The following EOLA2 variants were observed in gnomAD, a reference collection of about 807,000 sequenced individuals.
EOLA2 encodes protein EOLA2.
Under a neutral mutation model 4.1 loss-of-function variants are expected in EOLA2, and 3 were observed. That is an observed-to-expected ratio of 0.73 (90% CI 0.33 to 1.89). The LOEUF (loss-of-function observed/expected upper bound fraction) is 1.89. Among genes scored for constraint, EOLA2 ranks in the 40% most tolerant of loss-of-function variants. EOLA2 has a pLI of 0.08. For missense variants in EOLA2, 109 were observed against 126.4 expected, an observed-to-expected ratio of 0.86 and a Z score of 0.66; for synonymous variants, 52 against 51.7, an observed-to-expected ratio of 1.01 and a Z score of -0.03.
In EOLA2 at chrX:149,933,789, G is replaced by A. The variant is rs782261231; in HGVS notation, c.86C>T (p.Pro29Leu). 4 of 1,197,864 alleles carry A rather than the reference G, an allele frequency of 3.3e-6. No homozygotes were observed. The highest frequency in any genetic ancestry group is 4.4e-5 in the Admixed American group (2 of 45,691). ...ACAGTTCCGCTGGCTGCTCAGCAGA[G>A]GACGCCAGCGCGTCTCCACAGTCTT... ...GIKTVETRWR[P>L]LLSSQRNCTI... is the part of the protein sequence containing the mutation. The change falls in exon 4 of 5, where the codon CCT becomes CTT. Residue 29 changes from proline (P) to leucine (L), a missense_variant. Transcript: ENST00000370406.
At chrX:149,934,928 G>C (rs1419517980) in intron 2 of EOLA2, among the ~76,000 whole-genome samples, 1 of 112,204 alleles carries the variant, frequency 8.9e-6, no homozygotes, top group Non-Finnish European at 1.9e-5. Context: ...TTTCCACATG[G>C]CTGTGAGGAA....
rs1278869018 is a variant in EOLA2 at position 149,933,712 on chromosome X, C to T, written c.163G>A (p.Glu55Lys). 3 of 1,206,221 alleles carry T rather than the reference C, an allele frequency of 2.5e-6. No individual in the cohort carries two copies. Among genetic ancestry groups the T allele is most frequent in the Non-Finnish European group, 3.4e-6 (3 of 894,560 alleles). ...ATCCCGAGTCTCTCCACCAGCAGCT[C>T]CCGACAGGCATCGCCTTCCCAGTCC... is the stretch of plus-strand genomic sequence containing the variant. Reference protein sequence around the residue: ...HRDWEGDACRELLVERLGMTP... With the variant: ...HRDWEGDACRKLLVERLGMTP... Residue 55 changes from glutamate to lysine, a missense_variant, in exon 4 of 5, where the codon GAG becomes AAG. Glu to Lys is a moderately conservative substitution (Grantham distance 56, BLOSUM62 1). Coordinates refer to ENST00000370406, the MANE Select transcript of EOLA2 (RefSeq NM_001013845.2).
At chrX:149,934,296 G>C (rs1417170008) in intron 2 of EOLA2, 159 bp from the exon 3 acceptor site, 33 of 649,473 alleles carry the variant, frequency 5.1e-5, no homozygotes, top group African/African-American at 1.6e-4. Context: ...ACAGTCCCAC[G>C]CTCTGCTTCT....
intron 1 of EOLA2, 87 bp from the exon 2 acceptor site, chrX:149,937,567 G>A (rs2091029368): frequency 1.7e-5 from 3 of 173,859 alleles, no homozygotes; most frequent in Non-Finnish European, 2.8e-5. Flanking sequence ...CTTCTACTCA[G>A]CAGGCATTGG....
chrX:149,938,321 G>C lies in EOLA2; in HGVS notation c.-339C>G, dbSNP rs1476220022. The stretch of plus-strand genomic sequence containing the variant: ...CGACCCAGCGAGGCCACCGGAGCCA[G>C]CGAGGAGACGTGGGCCGCGGTGAGA... On this transcript the variant is annotated 5_prime_UTR_variant, in exon 1 of 5. Transcript: ENST00000370406. 8.9e-6 allele frequency: 1 copy of C among 112,955 alleles called. No individual in the cohort carries two copies. The highest frequency in any genetic ancestry group is 1.9e-5 in the Non-Finnish European group (1 of 53,342). 9.3% of individuals were successfully genotyped at this position (112,955 alleles called of 1,213,427 possible).
chrX:149,930,003 T>G (rs2090855470), downstream of EOLA2: 1 of 1,145,835 alleles, frequency 8.7e-7, no homozygotes, highest in Non-Finnish European at 1.2e-6. Flanking sequence ...AGGGAGGTTC[T>G]TCAACGGAAA....
At chrX:149,931,397 G>A (rs1557374237), downstream of EOLA2, 3 of 204,924 alleles carry the variant, frequency 1.5e-5, no homozygotes, top group Non-Finnish European at 8.6e-6. Flanking sequence ...CATTGTCCTC[G>A]TTTATTTGGA....
rs1157875277 is a variant in EOLA2, at chrX:149,933,090, C to A, written c.254-323G>T. On this transcript the variant is annotated intron_variant, in intron 4 of 4. Coordinates refer to ENST00000370406, the MANE Select transcript of EOLA2 (RefSeq NM_001013845.2). ...AGATTGGAAGGGCACCAGCCACTGCCTGGGAAGCTACAGGTGATGCCTGAG... is the reference window on the plus strand; with the variant it reads ...AGATTGGAAGGGCACCAGCCACTGCATGGGAAGCTACAGGTGATGCCTGAG... 2.8e-5 allele frequency among the ~76,000 whole-genome samples: 3 copies of A among 106,227 alleles called. No individual in the cohort carries two copies. The Admixed American group carries it at 3.0e-4, about 11-fold the overall frequency. 92.2% of individuals were successfully genotyped at this position (106,227 alleles called of 115,157 possible).
downstream of EOLA2, chrX:149,930,247 T>C (rs1172251484): frequency 9.4e-7 from 1 of 1,062,074 alleles, no homozygotes; most frequent in Non-Finnish European, 1.2e-6. Context: ...TTTGAAAATG[T>C]GAAATATTGT....
At position 149,933,691 on chromosome X, in the gene EOLA2, C is replaced by T. The variant is rs1256405609; in HGVS notation, c.184G>A (p.Gly62Arg). The change falls in exon 4 of 5, where the codon GGG becomes AGG. Residue 62 changes from glycine (G) to arginine (R), a missense_variant. By Grantham distance (125) the Gly-to-Arg change is moderately radical. Transcript: ENST00000370406. ...GCCTGAATCTGAGCAGGAGTCATCC[C>T]GAGTCTCTCCACCAGCAGCTCCCGA... ...ACRELLVERL[G>R]MTPAQIQALL... 3.3e-6 allele frequency: 4 copies of T among 1,205,928 alleles called. No individual in the cohort carries two copies. The highest frequency in any genetic ancestry group is 2.2e-5 in the Admixed American group (1 of 45,644).
At position 149,932,435 on chromosome X, in the gene EOLA2, G is replaced by A. The variant is rs2090887703; in HGVS notation, c.*109C>T. The A allele has an allele frequency of 1.7e-6, 2 of 1,159,083 alleles. No homozygotes were observed. Among genetic ancestry groups the A allele is most frequent in the Non-Finnish European group, 2.3e-6 (2 of 868,926 alleles). On this transcript the variant is annotated 3_prime_UTR_variant, in exon 5 of 5. Transcript: ENST00000370406. ...GTGGGTGGGACTCTCCAAAGCAGTG[G>A]AAATTCATCTTTAACCTAATTTATA...
intron 2 of EOLA2, among the ~76,000 whole-genome samples, chrX:149,934,798 CGT>C (rs1459432329): frequency 8.9e-6 from 1 of 112,459 alleles, no homozygotes; most frequent in Non-Finnish European, 1.9e-5. Context: ...CAGCCTCCTG[CGT>C]GTGTGGCTTG....
intron 3 of EOLA2, 21 bp downstream of exon 3, chrX:149,933,984 G>A: frequency 1.7e-6 from 2 of 1,145,325 alleles, no homozygotes; most frequent in Admixed American, 2.6e-5. Context: ...GTGTCTCTCA[G>A]GTGGCCTAAA....
chrX:149,937,528 G>A, intron 1 of EOLA2, 48 bp from the exon 2 acceptor site: 1 of 416,661 alleles, frequency 2.4e-6, no homozygotes, highest in Non-Finnish European at 3.0e-6. Context: ...ATGCAAGTCA[G>A]CAAAGCTGGT....
At position 149,932,666 on chromosome X, in the gene EOLA2, T is replaced by C. The variant is rs781835111; in HGVS notation, c.355A>G (p.Lys119Glu). The C allele has an allele frequency of 5.0e-6, 6 of 1,208,460 alleles. No individual in the cohort carries two copies. The East Asian group carries it at 1.5e-4, about 30-fold the overall frequency. The change falls in exon 5 of 5, where the codon AAG (lysine) becomes GAG (glutamate). Residue 119 changes from lysine to glutamate, a missense_variant. Coordinates refer to ENST00000370406, the MANE Select transcript of EOLA2 (RefSeq NM_001013845.2). ...NQAALTNLKQ[K>E]YLTVISNPRW... ...GGGTTTGAAATCACAGTCAGGTACT[T>C]CTGCTTCAGGTTGGTCAGTGCAGCT...
chrX:149,938,226 C>G lies in EOLA2; in HGVS notation c.-244G>C, dbSNP rs1156994337. 8.8e-6 allele frequency: 1 copy of G among 113,155 alleles called. No individual in the cohort carries two copies. The highest frequency in any genetic ancestry group is 1.9e-5 in the Non-Finnish European group (1 of 53,339). 9.3% of individuals were successfully genotyped at this position (113,155 alleles called of 1,213,427 possible). A position where few individuals can be genotyped will look rare whatever the true frequency, so the allele number is the denominator to read the frequency against. ...CGCGGCCGGTCTCACGGCCTCTGGA[C>G]CCTGAGAGTCGTGGGCGTTCAGGGC... On this transcript the variant is annotated 5_prime_UTR_variant, in exon 1 of 5. Transcript: ENST00000370406.
At chrX:149,931,316 T>G (rs782121923), downstream of EOLA2, 4 of 347,793 alleles carry the variant, frequency 1.2e-5, no homozygotes, top group Middle Eastern at 1.8e-3. Flanking sequence ...TTTAACCTTC[T>G]ATATTATATA....
chrX:149,937,808 G>A (rs1225490072), intron 1 of EOLA2, among the ~76,000 whole-genome samples: 4 of 112,856 alleles, frequency 3.5e-5, no homozygotes, highest in East Asian at 2.8e-4. Flanking sequence ...ATCGGACGAG[G>A]GTTTGGGGGG....
intron 2 of EOLA2, among the ~76,000 whole-genome samples, chrX:149,935,223 TC>T (rs1330878902): frequency 1.2e-4 from 10 of 80,087 alleles, no homozygotes; most frequent in African/African-American, 4.8e-4. Flanking sequence ...ACTGCAGCCT[TC>T]TGAGCTCCAG....
Sources: allele counts gnomAD v4.1 joint callset (sites outside exome capture counted in the v4.1 genomes callset), GRCh38; gene constraint gnomAD v4.1.1; transcripts MANE v1.5; gene names NCBI Gene and HGNC (gene_info 2026-07-23, HGNC 2026-07-21).